The following ADGRV1 variants were observed in gnomAD, a reference collection of about 807,000 sequenced individuals.
ADGRV1 encodes G-protein coupled receptor 98.
In ADGRV1, 359 loss-of-function variants were observed where a neutral mutation model predicts 596.2. The observed-to-expected ratio is 0.60, with a 90% CI of 0.55 to 0.66. The LOEUF is 0.66. Ranked by LOEUF, ADGRV1 falls within the 30% of genes least tolerant of loss-of-function variation. ADGRV1 has a pLI of 0.00. For synonymous variants in ADGRV1, 2,681 were observed against 2,679.2 expected, an observed-to-expected ratio of 1.00 and a Z score of -0.02; for missense variants, 7,274 against 7,575.6, an observed-to-expected ratio of 0.96 and a Z score of 1.48.
intron 70 of ADGRV1, among the ~76,000 whole-genome samples, chr5:90,797,948 T>G (rs1199360775): frequency 1.3e-5 from 2 of 152,198 alleles, no homozygotes; most frequent in Non-Finnish European, 2.9e-5. Context: ...GGGAAATTTA[T>G]AGCATTAAAT....
intron 54 of ADGRV1, among the ~76,000 whole-genome samples, 153 bp downstream of exon 54, chr5:90,753,982 C>G (rs1433551765): frequency 6.6e-6 from 1 of 152,002 alleles, no homozygotes; most frequent in Non-Finnish European, 1.5e-5. Context: ...GTTGTTAAAT[C>G]TGGTAATCAT....
At chr5:90,983,908 C>T (rs1417028642) in intron 84 of ADGRV1, among the ~76,000 whole-genome samples, 1 of 152,140 alleles carries the variant, frequency 6.6e-6, no homozygotes, top group Non-Finnish European at 1.5e-5. Context: ...TACTCAGAAG[C>T]CTCAGTAAAT....
chr5:90,582,049 C>T (rs553692734), intron 1 of ADGRV1, among the ~76,000 whole-genome samples: 2 of 148,022 alleles, frequency 1.4e-5, no homozygotes, highest in African/African-American at 5.0e-5. Flanking sequence ...CAAGAGTGTA[C>T]TTGGTATATG....
At chr5:90,886,930 GCCAAATGTA>G (rs1372374134) in intron 83 of ADGRV1, among the ~76,000 whole-genome samples, 1 of 152,006 alleles carries the variant, frequency 6.6e-6, no homozygotes, top group Non-Finnish European at 1.5e-5. Flanking sequence ...ACTACCTTTT[GCCAAATGTA>G]CCACGTCTTA....
chr5:90,849,021 C>T (rs1488766679), intron 79 of ADGRV1, among the ~76,000 whole-genome samples, 200 bp downstream of exon 79: 3 of 151,958 alleles, frequency 2.0e-5, no homozygotes, highest in Non-Finnish European at 2.9e-5. Context: ...ATACTGTCAA[C>T]AATATATTCC....
At chr5:90,600,007 A>G (rs1761203010) in intron 1 of ADGRV1, among the ~76,000 whole-genome samples, 3 of 152,134 alleles carry the variant, frequency 2.0e-5, no homozygotes. Context: ...AAAATATTAA[A>G]TATCTTGTTT....
Position 90,651,620 on chromosome 5 carries a change from T to G in ADGRV1, c.3306T>G (p.Tyr1102Ter). Residue 1102 changes from tyrosine (Y) to a stop codon, truncating the protein, a stop_gained, in exon 18 of 90, where the codon TAT (tyrosine) becomes TAG (stop). Coordinates refer to ENST00000405460, the MANE Select transcript of ADGRV1 (RefSeq NM_032119.4). LOFTEE classifies it high-confidence loss of function. The stretch of plus-strand genomic sequence containing the variant: ...TTAATTTAGGTGATACAGTAGTATA[T>G]CAATATGGAGTAGCTACAGTAATAA... ...LLNSTGDTVV[Y>*]QYGVATVIIE... The G allele has an allele frequency of 6.3e-7, 1 of 1,593,488 alleles. No individual in the cohort carries two copies. The highest frequency in any genetic ancestry group is 8.6e-7 in the Non-Finnish European group (1 of 1,162,766).
intron 31 of ADGRV1, 67 bp from the exon 32 acceptor site, chr5:90,692,538 C>T: frequency 1.6e-6 from 2 of 1,283,066 alleles, no homozygotes; most frequent in South Asian, 1.5e-5. Context: ...ATTTTTTTCC[C>T]TTGAATCATT....
intron 59 of ADGRV1, among the ~76,000 whole-genome samples, chr5:90,766,805 C>A (rs748174432): frequency 1.3e-5 from 2 of 152,186 alleles, no homozygotes; most frequent in Non-Finnish European, 2.9e-5. Flanking sequence ...AGCCTGAGAA[C>A]CTTGGCTGGA....
At chr5:90,939,445 C>T (rs1255302881) in intron 83 of ADGRV1, among the ~76,000 whole-genome samples, 1 of 152,182 alleles carries the variant, frequency 6.6e-6, no homozygotes, top group Non-Finnish European at 1.5e-5. Flanking sequence ...GAACACTAAA[C>T]TGAAGGTCAG....
chr5:90,884,429 A>T (rs1010785522), intron 83 of ADGRV1, among the ~76,000 whole-genome samples: 5 of 152,072 alleles, frequency 3.3e-5, no homozygotes, highest in African/African-American at 7.2e-5. Flanking sequence ...TGACTTTAGG[A>T]TGCTGGTTTT....
chr5:90,722,568 G>A (rs12652606), intron 45 of ADGRV1, among the ~76,000 whole-genome samples: 109,998 of 150,876 alleles, frequency 0.73, 40,918 homozygotes, highest in African/African-American at 0.87. Context: ...AAAAAAATTA[G>A]CCGGGCTTGG....
chr5:90,776,969 A>G (rs1012258407), intron 61 of ADGRV1, among the ~76,000 whole-genome samples: 2 of 152,140 alleles, frequency 1.3e-5, no homozygotes, highest in Non-Finnish European at 2.9e-5. Context: ...AGGGCCAAAC[A>G]TTTTGCTTTC....
intron 83 of ADGRV1, among the ~76,000 whole-genome samples, chr5:90,950,278 A>G (rs1776949324): frequency 6.6e-6 from 1 of 152,132 alleles, no homozygotes; most frequent in Non-Finnish European, 1.5e-5. Flanking sequence ...TCCAGGTGAG[A>G]AATAATAGTG....
chr5:90,675,587 T>C (rs1018834448), intron 24 of ADGRV1, 142 bp downstream of exon 24: 2 of 812,022 alleles, frequency 2.5e-6, no homozygotes, highest in African/African-American at 1.7e-5. Flanking sequence ...GGCGAGAGGA[T>C]TGCTTGAGGC....
At chr5:90,848,939 C>A in intron 79 of ADGRV1, 118 bp downstream of exon 79, 1 of 652,374 alleles carries the variant, frequency 1.5e-6, no homozygotes, top group South Asian at 2.5e-5. Context: ...ACAGTCAATG[C>A]ATTGTACCAC....
In ADGRV1 at chr5:90,720,190, TGG is replaced by T; in HGVS notation, c.9593_9594del (p.Gly3198AlafsTer8). The T allele has an allele frequency of 1.2e-6, 2 of 1,604,660 alleles. No homozygotes were observed. Among genetic ancestry groups the T allele is most frequent in the Non-Finnish European group, 1.7e-6 (2 of 1,175,374 alleles). Reference sequence around the variant, plus strand: ...ACAGTTTTGCAAAACCAGGCCCCTTTGGGGCTATTCAGTATCTCTGCAGTTGA... The same window carrying T: ...ACAGTTTTGCAAAACCAGGCCCCTTTGGCTATTCAGTATCTCTGCAGTTGA... On this transcript the variant is annotated frameshift_variant, in exon 44 of 90. Coordinates refer to ENST00000405460, the MANE Select transcript of ADGRV1 (RefSeq NM_032119.4). LOFTEE classifies it high-confidence loss of function.
chr5:90,922,871 G>T (rs560973791), intron 83 of ADGRV1, among the ~76,000 whole-genome samples: 2 of 152,264 alleles, frequency 1.3e-5, no homozygotes, highest in Non-Finnish European at 2.9e-5. Context: ...TTGATGCATG[G>T]TCTCCTGTAG....
chr5:91,069,951 A>G (rs1406876006), intron 85 of ADGRV1, among the ~76,000 whole-genome samples: 1 of 150,684 alleles, frequency 6.6e-6, no homozygotes, highest in South Asian at 2.1e-4. Flanking sequence ...AAATGAAATC[A>G]TGTCCTTTGC....
Sources: gnomAD v4.1 joint callset for allele counts (sites outside exome capture counted in the v4.1 genomes callset) on GRCh38, gnomAD v4.1.1 for gene constraint, MANE v1.5 for transcripts, NCBI Gene and HGNC (gene_info 2026-07-23, HGNC 2026-07-21) for gene names.